Variants in CSMD1 observed in about 807,000 individuals in gnomAD.
CSMD1 encodes CUB and Sushi multiple domains 1, also known as CUB and sushi domain-containing protein 1.
Under a neutral mutation model 417.5 loss-of-function variants are expected in CSMD1, and 213 were observed. The ratio of observed to expected loss-of-function variants is 0.51; its 90% CI spans 0.46 to 0.57. CSMD1 has a LOEUF of 0.57. Among genes scored for constraint, CSMD1 ranks in the 20% least tolerant of loss-of-function variants. The pLI is 0.00. For missense variants in CSMD1, 6,923 were observed against 4,529.7 expected (o/e 1.53, Z -15.17); for synonymous variants, 2,862 against 1,736.8 (o/e 1.65, Z -16.11).
chr8:3,396,490 G>A (rs1811710162), intron 16 of CSMD1, 109 bp from the exon 17 acceptor site: 4 of 712,432 alleles, frequency 5.6e-6, no homozygotes, highest in African/African-American at 3.7e-5. Flanking sequence ...TTAACATGAA[G>A]AAAATAGTTG....
At chr8:4,930,356 T>C (rs1014575702) in intron 1 of CSMD1, among the ~76,000 whole-genome samples, 2 of 152,104 alleles carry the variant, frequency 1.3e-5, no homozygotes, top group South Asian at 2.1e-4. Context: ...TCTGATTTCA[T>C]TCATAGGTGC....
chr8:4,384,353 G>A (rs531856023), intron 3 of CSMD1, among the ~76,000 whole-genome samples: 14 of 152,052 alleles, frequency 9.2e-5, no homozygotes, highest in African/African-American at 2.4e-4. Context: ...ACAATGCAAC[G>A]CATCTGAGGC....
At chr8:3,902,133 AAC>A (rs1287176803) in intron 5 of CSMD1, among the ~76,000 whole-genome samples, 1 of 152,202 alleles carries the variant, frequency 6.6e-6, no homozygotes, top group Non-Finnish European at 1.5e-5. Flanking sequence ...TGACAGAAGT[AAC>A]ACAACAATCT....
chr8:3,411,670 GTGTATATATA>G, intron 12 of CSMD1, among the ~76,000 whole-genome samples: 1 of 91,082 alleles, frequency 1.1e-5, no homozygotes, highest in Admixed American at 1.1e-4. Context: ...ATATATATAC[GTGTATATATA>G]CGTGTATATA....
At chr8:4,132,043 A>C (rs950430206) in intron 3 of CSMD1, among the ~76,000 whole-genome samples, 3 of 152,126 alleles carry the variant, frequency 2.0e-5, no homozygotes, top group Non-Finnish European at 2.9e-5. Flanking sequence ...TCTTGATGGC[A>C]TAACAAAGGT....
intron 1 of CSMD1, among the ~76,000 whole-genome samples, chr8:4,765,936 T>C (rs1346477628): frequency 1.3e-5 from 2 of 152,208 alleles, no homozygotes; most frequent in Non-Finnish European, 2.9e-5. Flanking sequence ...GAATCGAGCT[T>C]AGCTAATTCC....
rs777139155 is a variant in CSMD1, at chr8:2,973,324, A to G, written c.8741-25T>C. 5 of 1,606,532 alleles carry G rather than the reference A, an allele frequency of 3.1e-6. No homozygotes were observed. The East Asian group carries it at 1.1e-4, about 36-fold the overall frequency. ...CCTATTGAAAACAAACACATACGGCAATCCACAATTGTGTTAGACTTGTTT... is the reference window on the plus strand; with the variant it reads ...CCTATTGAAAACAAACACATACGGCGATCCACAATTGTGTTAGACTTGTTT... On this transcript the variant is annotated intron_variant, in intron 56 of 69. Transcript: ENST00000635120.
chr8:4,069,056 T>C (rs1474969712), intron 3 of CSMD1, among the ~76,000 whole-genome samples: 5 of 152,232 alleles, frequency 3.3e-5, no homozygotes, highest in African/African-American at 9.6e-5. Context: ...CTATAGACTA[T>C]TTACTCCTTC....
chr8:4,571,059 A>G (rs1024510376), intron 2 of CSMD1, among the ~76,000 whole-genome samples: 5 of 151,988 alleles, frequency 3.3e-5, no homozygotes, highest in African/African-American at 1.2e-4. Flanking sequence ...TCTGGCTAGC[A>G]GTCTATCAAT....
chr8:3,894,018 C>T (rs960255708), intron 5 of CSMD1, among the ~76,000 whole-genome samples: 2 of 152,014 alleles, frequency 1.3e-5, no homozygotes, highest in Non-Finnish European at 2.9e-5. Flanking sequence ...TGTAAAACTC[C>T]CATAAAGGGA....
intron 1 of CSMD1, among the ~76,000 whole-genome samples, chr8:4,951,105 AT>A (rs1163533549): frequency 6.6e-6 from 1 of 152,192 alleles, no homozygotes; most frequent in Non-Finnish European, 1.5e-5. Flanking sequence ...TGTGAAAAAA[AT>A]GTCCATCTTT....
At chr8:3,809,603 G>C (rs569529496) in intron 5 of CSMD1, among the ~76,000 whole-genome samples, 6 of 152,194 alleles carry the variant, frequency 3.9e-5, no homozygotes, top group Non-Finnish European at 8.8e-5. Flanking sequence ...CCCACCTGCA[G>C]AGTGTCTAAT....
chr8:2,951,100 T>C lies in CSMD1; in HGVS notation c.10201+14A>G. 1 of 1,607,368 alleles carries C rather than the reference T, an allele frequency of 6.2e-7. No individual in the cohort carries two copies. ...TGCTCACACCATGCGTTTAGTGAAT[T>C]CTTCGGGACCTACCTGTCAACTTCA... On this transcript the variant is annotated intron_variant, in intron 66 of 69. Transcript: ENST00000635120.
chr8:3,476,601 C>A (rs190101893), intron 11 of CSMD1, among the ~76,000 whole-genome samples: 1 of 152,196 alleles, frequency 6.6e-6, no homozygotes, highest in Non-Finnish European at 1.5e-5. Context: ...GTGACATTCT[C>A]ACACCCCAAA....
chr8:3,770,536 A>T (rs1239317217), intron 5 of CSMD1, among the ~76,000 whole-genome samples: 1 of 152,296 alleles, frequency 6.6e-6, no homozygotes, highest in African/African-American at 2.4e-5. Context: ...CTCAAAAAAT[A>T]AATAAATAAA....
chr8:4,509,622 C>G (rs1413361523), intron 2 of CSMD1, among the ~76,000 whole-genome samples: 1 of 152,128 alleles, frequency 6.6e-6, no homozygotes, highest in Non-Finnish European at 1.5e-5. Context: ...CCCTGCAGAC[C>G]ATTATCATCA....
chr8:4,895,037 G>C (rs146765666), intron 1 of CSMD1, among the ~76,000 whole-genome samples: 2 of 152,244 alleles, frequency 1.3e-5, no homozygotes, highest in South Asian at 4.1e-4. Flanking sequence ...TTTTTTCATT[G>C]ATAAGAATAT....
chr8:3,787,897 T>C (rs1799535590), intron 5 of CSMD1, among the ~76,000 whole-genome samples: 1 of 152,328 alleles, frequency 6.6e-6, no homozygotes, highest in Admixed American at 6.5e-5. Flanking sequence ...TTACTCTATT[T>C]TGCCAGATTA....
intron 2 of CSMD1, among the ~76,000 whole-genome samples, chr8:4,601,850 G>C (rs946632554): frequency 6.6e-6 from 1 of 152,108 alleles, no homozygotes; most frequent in African/African-American, 2.4e-5. Context: ...TTTCACCCTG[G>C]GTTCTGAGTC....
Sources: allele counts gnomAD v4.1 joint callset (sites outside exome capture counted in the v4.1 genomes callset), GRCh38; gene constraint gnomAD v4.1.1; transcripts MANE v1.5; gene names NCBI Gene and HGNC (gene_info 2026-07-23, HGNC 2026-07-21).